RFX3: variants seen among roughly 807,000 people sequenced by gnomAD.
The protein encoded by RFX3 is transcription factor RFX3.
A neutral mutation model predicts 98.6 loss-of-function variants in RFX3; 14 were observed. The observed-to-expected ratio is 0.14, with a 90% CI of 0.09 to 0.22. The LOEUF (loss-of-function observed/expected upper bound fraction) is 0.22, where lower values mean the gene tolerates loss of function less well. Among genes scored for constraint, RFX3 ranks in the 10% least tolerant of loss-of-function variants. RFX3 has a pLI of 1.00. For synonymous variants in RFX3, 383 were observed against 328.4 expected, an observed-to-expected ratio of 1.17 and a Z score of -1.80; for missense variants, 639 against 926.9, an observed-to-expected ratio of 0.69 and a Z score of 4.03.
At chr9:3,499,351 A>C (rs1429682088) in intron 1 of RFX3, among the ~76,000 whole-genome samples, 3 of 152,060 alleles carry the variant, frequency 2.0e-5, no homozygotes, top group African/African-American at 7.2e-5. Context: ...CCCCAAAAAA[A>C]TTATTTTAAA....
At chr9:3,406,843 A>G (rs1842018485) in intron 1 of RFX3, among the ~76,000 whole-genome samples, 1 of 152,230 alleles carries the variant, frequency 6.6e-6, no homozygotes, top group African/African-American at 2.4e-5. Flanking sequence ...CCATATTCAA[A>G]GAATTAAAAG....
chr9:3,370,034 G>T (rs1254076683), intron 2 of RFX3, among the ~76,000 whole-genome samples: 2 of 148,224 alleles, frequency 1.3e-5, no homozygotes, highest in African/African-American at 2.5e-5. Context: ...GTAGAGACGG[G>T]GTTTCCCCGT....
At chr9:3,337,367 T>C (rs946106925) in intron 3 of RFX3, among the ~76,000 whole-genome samples, 7 of 152,230 alleles carry the variant, frequency 4.6e-5, no homozygotes, top group Admixed American at 4.6e-4. Context: ...CTTAGAAAAG[T>C]TTGAGAGCAC....
intron 12 of RFX3, among the ~76,000 whole-genome samples, chr9:3,264,366 G>T (rs932126386): frequency 6.6e-6 from 1 of 152,048 alleles, no homozygotes; most frequent in African/African-American, 2.4e-5. Context: ...GGTATATAAG[G>T]TACGAGCAGT....
intron 1 of RFX3, among the ~76,000 whole-genome samples, chr9:3,410,035 A>G (rs1184357606): frequency 3.9e-5 from 6 of 152,184 alleles, no homozygotes; most frequent in Non-Finnish European, 8.8e-5. Context: ...ACAAGGAAAG[A>G]AATACTCATA....
rs1279650976 is a variant in RFX3, at chr9:3,222,064, T to C, written c.*2978A>G. Reference sequence around the variant, plus strand: ...AAGGGAAAAAGGGAAATAAATGCAATAAATGTGATTGCTCAATTTGCTCAA... The same window carrying C: ...AAGGGAAAAAGGGAAATAAATGCAACAAATGTGATTGCTCAATTTGCTCAA... On this transcript the variant is annotated 3_prime_UTR_variant, in exon 17 of 17. Transcript: ENST00000617270. The C allele has an allele frequency of 6.6e-6, 1 of 151,546 alleles. No homozygotes were observed. Among genetic ancestry groups the C allele is most frequent in the Non-Finnish European group, 1.5e-5 (1 of 67,918 alleles). The allele number at this position is 151,546 out of a possible 1,614,324, so 9.4% of individuals were successfully genotyped here.
At chr9:3,417,755 G>T (rs1843102879) in intron 1 of RFX3, among the ~76,000 whole-genome samples, 2 of 152,042 alleles carry the variant, frequency 1.3e-5, no homozygotes. Flanking sequence ...AAGGAAAGGG[G>T]ATCATAAATT....
At position 3,509,247 on chromosome 9, in the gene RFX3, C is replaced by G. The variant is rs768304757; in HGVS notation, c.-9+16500G>C. The stretch of plus-strand genomic sequence containing the variant: ...ACTTTTAAAGCCCAGCTGGGCAAGT[C>G]TCAGCTTGTACCACCTATATCAGCT... On this transcript the variant is annotated intron_variant, in intron 1 of 16. Transcript: ENST00000617270. 9.2e-5 allele frequency among the ~76,000 whole-genome samples: 14 copies of G among 152,090 alleles called. No homozygotes were observed. In the Middle Eastern group the frequency reaches 0.017, roughly 185 times the overall value.
At chr9:3,492,141 T>C (rs556376836) in intron 1 of RFX3, among the ~76,000 whole-genome samples, 15 of 152,312 alleles carry the variant, frequency 9.8e-5, no homozygotes, top group South Asian at 2.1e-4. Flanking sequence ...TGCTGGAGGA[T>C]ATAACGGTGA....
intron 3 of RFX3, among the ~76,000 whole-genome samples, chr9:3,335,687 G>C (rs1026134701): frequency 1.3e-5 from 2 of 152,176 alleles, no homozygotes; most frequent in Admixed American, 1.3e-4. Flanking sequence ...TATAGCAGAA[G>C]AGAAATCTTT....
intron 15 of RFX3, among the ~76,000 whole-genome samples, chr9:3,240,600 T>C (rs1280009221): frequency 2.0e-5 from 3 of 152,174 alleles, no homozygotes; most frequent in Admixed American, 1.3e-4. Context: ...TATCATCACA[T>C]AAGGCCCATA....
intron 15 of RFX3, among the ~76,000 whole-genome samples, chr9:3,234,246 T>C (rs577434): frequency 0.84 from 127,497 of 152,176 alleles, 54,761 homozygotes; most frequent in East Asian, 0.97. Context: ...TTATAGTCCA[T>C]TAGGACTCTG....
chr9:3,244,084 C>T (rs185565005), intron 15 of RFX3, among the ~76,000 whole-genome samples: 91 of 152,086 alleles, frequency 6.0e-4, no homozygotes, highest in Non-Finnish European at 1.0e-3. Flanking sequence ...TCACTGCAAC[C>T]TCCACCTCCT....
In RFX3 at chr9:3,293,178, T is replaced by C. The variant is rs1193112997; in HGVS notation, c.630A>G (p.Arg210=). The C allele has an allele frequency of 2.5e-6, 4 of 1,613,612 alleles. No homozygotes were observed. In the South Asian group the frequency reaches 3.3e-5, roughly 13 times the overall value. Residue 210 remains arginine, a synonymous_variant, in exon 6 of 17, where the codon CGA becomes CGG. Transcript: ENST00000617270. ...PRSTLYNHYL[R]HCQEHKLDPV... Reference sequence around the variant, plus strand: ...GGTCCAGTTTGTGTTCCTGACAGTGTCGAAGGTAGTGGTTGTACAGAGTGC... The same window carrying C: ...GGTCCAGTTTGTGTTCCTGACAGTGCCGAAGGTAGTGGTTGTACAGAGTGC...
At chr9:3,442,773 TAAA>T (rs1336583706) in intron 1 of RFX3, among the ~76,000 whole-genome samples, 1 of 152,188 alleles carries the variant, frequency 6.6e-6, no homozygotes, top group African/African-American at 2.4e-5. Flanking sequence ...GACCTAAGTG[TAAA>T]ACATAAAGCT....
At chr9:3,262,206 T>G (rs1288765947) in intron 13 of RFX3, among the ~76,000 whole-genome samples, 1 of 152,170 alleles carries the variant, frequency 6.6e-6, no homozygotes, top group African/African-American at 2.4e-5. Context: ...GCAATGCTAT[T>G]GTTTTTATTT....
intron 1 of RFX3, among the ~76,000 whole-genome samples, chr9:3,506,392 T>C (rs1329013866): frequency 6.6e-6 from 1 of 151,740 alleles, no homozygotes; most frequent in Non-Finnish European, 1.5e-5. Flanking sequence ...GGAACTGAAG[T>C]CCTGATCCTC....
At chr9:3,513,647 G>A (rs558401349) in intron 1 of RFX3, among the ~76,000 whole-genome samples, 1 of 152,300 alleles carries the variant, frequency 6.6e-6, no homozygotes, top group South Asian at 2.1e-4. Context: ...ATCACGGGCA[G>A]TAGGACTGGA....
At chr9:3,519,726 C>A (rs760804998) in intron 1 of RFX3, among the ~76,000 whole-genome samples, 1 of 152,082 alleles carries the variant, frequency 6.6e-6, no homozygotes, top group Admixed American at 6.5e-5. Context: ...TTATTCTATC[C>A]ATCTATTTAA....
Sources: allele counts gnomAD v4.1 joint callset (sites outside exome capture counted in the v4.1 genomes callset), GRCh38; gene constraint gnomAD v4.1.1; transcripts MANE v1.5; gene names NCBI Gene and HGNC (gene_info 2026-07-23, HGNC 2026-07-21).